The following EIF2B1 variants were observed in gnomAD, a reference collection of about 807,000 sequenced individuals.
EIF2B1 encodes the protein translation initiation factor eIF2B subunit alpha.
EIF2B1 carries 30 observed loss-of-function variants against 36.8 expected under a neutral mutation model. The ratio of observed to expected loss-of-function variants is 0.81; its 90% CI spans 0.61 to 1.10. EIF2B1 has a LOEUF of 1.10. Ranked by LOEUF, EIF2B1 falls within the 50% of genes least tolerant of loss-of-function variation. The probability of loss-of-function intolerance (pLI) is 0.00; values close to 1 mark genes in which losing one functional copy is unlikely to be tolerated. For missense variants in EIF2B1, 271 were observed against 374.8 expected (o/e 0.72, Z 2.29); for synonymous variants, 139 against 142.2 (o/e 0.98, Z 0.16).
In EIF2B1 at chr12:123,621,110, T is replaced by G. The variant is rs1240191450; in HGVS notation, c.*646A>C. Reference sequence around the variant, plus strand: ...AAAGCTGTTTAGGACCCAAACATATTTAAACATCTCTTACACATACAGAAT... The same window carrying G: ...AAAGCTGTTTAGGACCCAAACATATGTAAACATCTCTTACACATACAGAAT... On this transcript the variant is annotated 3_prime_UTR_variant, in exon 9 of 9. Transcript: ENST00000424014. 1.9e-5 allele frequency: 3 copies of G among 155,632 alleles called. No individual in the cohort carries two copies. The highest frequency in any genetic ancestry group is 2.0e-4 in the South Asian group (1 of 5,104). 9.6% of individuals were successfully genotyped at this position (155,632 alleles called of 1,614,324 possible). A position where few individuals can be genotyped will look rare whatever the true frequency, so the allele number is the denominator to read the frequency against.
In EIF2B1 at chr12:123,630,650, A is replaced by C; in HGVS notation, c.116-117T>G. On this transcript the variant is annotated intron_variant, in intron 2 of 8. Coordinates refer to ENST00000424014, the MANE Select transcript of EIF2B1 (RefSeq NM_001414.4). The surrounding 1 kb of genome is among the most constrained non-coding windows in gnomAD (Gnocchi z 4.6). ...ACTAGGTACATACTATATACCAGGC[A>C]CTATTCTAGATGCTAGGGATACATC... 1.4e-6 allele frequency: 2 copies of C among 1,392,420 alleles called. No individual in the cohort carries two copies. The highest frequency in any genetic ancestry group is 1.0e-6 in the Non-Finnish European group (1 of 1,003,672). The allele number at this position is 1,392,420 out of a possible 1,614,324, so 86.3% of individuals were successfully genotyped here. A position where few individuals can be genotyped will look rare whatever the true frequency, so the allele number is the denominator to read the frequency against.
intron 6 of EIF2B1, among the ~76,000 whole-genome samples, chr12:123,625,477 G>C (rs1955141793): frequency 6.6e-6 from 1 of 152,086 alleles, no homozygotes; most frequent in Non-Finnish European, 1.5e-5. Flanking sequence ...CGATCCACCT[G>C]CCTCAGGTAT....
Position 123,627,081 on chromosome 12 carries a change from T to C in EIF2B1, c.445A>G (p.Ser149Gly). 1 of 1,614,170 alleles carries C rather than the reference T, an allele frequency of 6.2e-7. No individual in the cohort carries two copies. Residue 149 changes from serine to glycine, a missense_variant, in exon 5 of 9, where the codon AGT (serine) becomes GGT (glycine). Transcript: ENST00000424014. ...GGCTGTGACTCTGTGACGTATACAC[T>C]AAATCGCTTCTTGGCCGCCACGGCT... ...EAAVAAKKRF[S>G]VYVTESQPDL...
intron 1 of EIF2B1, 133 bp downstream of exon 1, chr12:123,633,412 T>G: frequency 7.2e-7 from 1 of 1,392,546 alleles, no homozygotes; most frequent in Non-Finnish European, 1.0e-6. Flanking sequence ...GTTGTGACTC[T>G]GGAAACACAA....
chr12:123,633,546 C>T lies in EIF2B1; in HGVS notation c.12G>A (p.Lys4=). 1 of 1,613,376 alleles carries T rather than the reference C, an allele frequency of 6.2e-7. No homozygotes were observed. Among genetic ancestry groups the T allele is most frequent in the Non-Finnish European group, 8.5e-7 (1 of 1,180,016 alleles). The change falls in exon 1 of 9, where the codon AAG becomes AAA. Residue 4 remains lysine (K), a splice_region_variant and synonymous_variant. Transcript: ENST00000424014. Reference sequence around the variant, plus strand: ...CAGCCCTGGCCTGTCTTGATTTACCCTTGTCGTCCATGGCGTCCTCCTGCT... The same window carrying T: ...CAGCCCTGGCCTGTCTTGATTTACCTTTGTCGTCCATGGCGTCCTCCTGCT... MDD[K]ELIEYFKSQM... is the part of the protein sequence containing the mutation.
chr12:123,626,691 C>T (rs1270335781), intron 5 of EIF2B1, 198 bp from the exon 6 acceptor site: 1 of 683,130 alleles, frequency 1.5e-6, no homozygotes, highest in Non-Finnish European at 2.6e-6. Context: ...AAACTATACT[C>T]TTAGACTCTG....
In EIF2B1 at chr12:123,627,077, A is replaced by G. The variant is rs779302767; in HGVS notation, c.449T>C (p.Val150Ala). The G allele has an allele frequency of 1.2e-6, 2 of 1,614,234 alleles. No homozygotes were observed. Among genetic ancestry groups the G allele is most frequent in the South Asian group, 2.2e-5 (2 of 91,086 alleles). Residue 150 changes from valine (V) to alanine (A), a missense_variant, in exon 5 of 9, where the codon GTA (valine) becomes GCA (alanine). By Grantham distance (64) the Val-to-Ala change is moderately conservative. Transcript: ENST00000424014. ...AAVAAKKRFS[V>A]YVTESQPDLS... ...ATCAGGCTGTGACTCTGTGACGTAT[A>G]CACTAAATCGCTTCTTGGCCGCCAC...
chr12:123,630,754 T>C lies in EIF2B1; in HGVS notation c.116-221A>G, dbSNP rs1053611217. Among the ~76,000 whole-genome samples the C allele has an allele frequency of 3.3e-5, 5 of 152,072 alleles. No individual in the cohort carries two copies. Among genetic ancestry groups the C allele is most frequent in the African/African-American group, 7.2e-5 (3 of 41,404 alleles). On this transcript the variant is annotated intron_variant, in intron 2 of 8. Coordinates refer to ENST00000424014, the MANE Select transcript of EIF2B1 (RefSeq NM_001414.4). This position sits in a 1 kb window ranked among gnomAD's most constrained non-coding sequence, Gnocchi z 4.6. ...GAAGCGGATAGTAAACAAGCACACA[T>C]AGAAATAAAGCTGGGTGGCTGGGCA...
At chr12:123,626,875 T>G (rs1038136523) in intron 5 of EIF2B1, 169 bp downstream of exon 5, 1 of 729,386 alleles carries the variant, frequency 1.4e-6, no homozygotes, top group African/African-American at 1.7e-5. Flanking sequence ...TGCGGCCTGC[T>G]GCAAATTCAG....
chr12:123,620,945 C>T lies in EIF2B1; in HGVS notation c.*811G>A, dbSNP rs1955085511. On this transcript the variant is annotated 3_prime_UTR_variant, in exon 9 of 9. Transcript: ENST00000424014. ...TAAATGGTGTCCTGATTGCCTGGGTCTTAAGTGTGTAAATGTAGCTGGACA... is the reference window on the plus strand; with the variant it reads ...TAAATGGTGTCCTGATTGCCTGGGTTTTAAGTGTGTAAATGTAGCTGGACA... 6.6e-6 allele frequency: 1 copy of T among 152,144 alleles called. No homozygotes were observed. Among genetic ancestry groups the T allele is most frequent in the African/African-American group, 2.4e-5 (1 of 41,362 alleles). 9.4% of individuals were successfully genotyped at this position (152,144 alleles called of 1,614,324 possible).
chr12:123,628,761 C>T (rs368580453), intron 4 of EIF2B1, among the ~76,000 whole-genome samples: 4 of 152,072 alleles, frequency 2.6e-5, no homozygotes, highest in East Asian at 3.9e-4. Flanking sequence ...CCTGAGAACC[C>T]GTTAGGAAGG....
At chr12:123,633,504 G>A in intron 1 of EIF2B1, 41 bp downstream of exon 1, 1 of 1,613,806 alleles carries the variant, frequency 6.2e-7, no homozygotes, top group East Asian at 2.2e-5. Flanking sequence ...CCCCTGAACG[G>A]CGCTGCTGTA....
In EIF2B1 at chr12:123,632,333, C is replaced by T. The variant is rs755842001; in HGVS notation, c.115+12G>A. The T allele has an allele frequency of 4.6e-5, 69 of 1,502,938 alleles. No homozygotes were observed. Among genetic ancestry groups the T allele is most frequent in the Non-Finnish European group, 5.8e-5 (63 of 1,081,046 alleles). 93.1% of individuals were successfully genotyped at this position (1,502,938 alleles called of 1,614,324 possible). On this transcript the variant is annotated intron_variant, in intron 2 of 8. Coordinates refer to ENST00000424014, the MANE Select transcript of EIF2B1 (RefSeq NM_001414.4). ...TAAGTCCCAGAGTGTTAACAGATGACTCTCTATATACCTTTATCTCTCTTC... is the reference window on the plus strand; with the variant it reads ...TAAGTCCCAGAGTGTTAACAGATGATTCTCTATATACCTTTATCTCTCTTC...
In EIF2B1 at chr12:123,633,622, C is replaced by A. The variant is rs756472352; in HGVS notation, c.-65G>T. 3.1e-5 allele frequency: 49 copies of A among 1,596,866 alleles called. No individual in the cohort carries two copies. The highest frequency in any genetic ancestry group is 1.7e-6 in the Non-Finnish European group (2 of 1,177,956). On this transcript the variant is annotated 5_prime_UTR_variant, in exon 1 of 9. Transcript: ENST00000424014. ...CCCGCGCTGTCTCGAACGGGTCCGCCGGCCGCGCCGCCTGCGAGCCAGTCT... is the reference window on the plus strand; with the variant it reads ...CCCGCGCTGTCTCGAACGGGTCCGCAGGCCGCGCCGCCTGCGAGCCAGTCT...
intron 8 of EIF2B1, 100 bp from the exon 9 acceptor site, chr12:123,622,020 T>C: frequency 6.7e-7 from 1 of 1,501,602 alleles, no homozygotes. Flanking sequence ...CTGAGACTGC[T>C]CTCTGAAAAT....
intron 6 of EIF2B1, 97 bp from the exon 7 acceptor site, chr12:123,624,959 G>A (rs1955137269): frequency 1.7e-6 from 2 of 1,168,508 alleles, no homozygotes; most frequent in Non-Finnish European, 2.5e-6. Context: ...ATCAAGGTAA[G>A]TTCCTCCCAT....
At chr12:123,629,199 T>C (rs183218195) in intron 4 of EIF2B1, among the ~76,000 whole-genome samples, 1 of 152,148 alleles carries the variant, frequency 6.6e-6, no homozygotes, top group Non-Finnish European at 1.5e-5. Context: ...AGGGGAGGCC[T>C]AGGTGGCAAA....
Position 123,633,563 on chromosome 12 carries a change from C to A in EIF2B1, c.-6G>T. ...GATTTACCCTTGTCGTCCATGGCGT[C>A]CTCCTGCTGCGGAGCCCCAGGGGAC... On this transcript the variant is annotated 5_prime_UTR_variant, in exon 1 of 9. Coordinates refer to ENST00000424014, the MANE Select transcript of EIF2B1 (RefSeq NM_001414.4). 7 of 1,611,724 alleles carry A rather than the reference C, an allele frequency of 4.3e-6. No homozygotes were observed. The highest frequency in any genetic ancestry group is 5.9e-6 in the Non-Finnish European group (7 of 1,180,016).
At chr12:123,626,837 ACTT>A (rs765602438) in intron 5 of EIF2B1, 1 of 705,416 alleles carries the variant, frequency 1.4e-6, no homozygotes, top group South Asian at 1.5e-5. Context: ...GGAGTTAACT[ACTT>A]AAGTGAAACC....
Sources: gnomAD v4.1 joint callset for allele counts (sites outside exome capture counted in the v4.1 genomes callset) on GRCh38, gnomAD v4.1.1 for gene constraint, Gnocchi (gnomAD v3.1) non-coding constraint, MANE v1.5 for transcripts, NCBI Gene and HGNC (gene_info 2026-07-23, HGNC 2026-07-21) for gene names.